The following CDH12 variants were observed in gnomAD, a reference collection of about 807,000 sequenced individuals.
CDH12 encodes the protein cadherin 12.
A neutral mutation model predicts 74.1 loss-of-function variants in CDH12; 41 were observed. The observed-to-expected ratio is 0.55, with a 90% confidence interval of 0.43 to 0.72. The LOEUF is 0.72. Ranked by LOEUF, CDH12 falls within the 30% of genes least tolerant of loss-of-function variation. The pLI, the probability that CDH12 is intolerant of heterozygous loss-of-function variation, is 0.00. For missense variants in CDH12, 945 were observed against 977.2 expected (o/e 0.97, Z 0.44); for synonymous variants, 399 against 355.0 (o/e 1.12, Z -1.39).
intron 6 of CDH12, among the ~76,000 whole-genome samples, chr5:21,910,866 A>G (rs1753831829): frequency 6.6e-6 from 1 of 152,074 alleles, no homozygotes; most frequent in Admixed American, 6.6e-5. Context: ...GCTCTTCCAG[A>G]GGACTCAATA....
chr5:22,072,866 C>T (rs899162491), intron 5 of CDH12, among the ~76,000 whole-genome samples: 1 of 151,908 alleles, frequency 6.6e-6, no homozygotes, highest in Non-Finnish European at 1.5e-5. Flanking sequence ...GATAATAAAC[C>T]ATGATATTTT....
intron 1 of CDH12, among the ~76,000 whole-genome samples, chr5:22,843,614 GT>G (rs1446905647): frequency 7.3e-5 from 2 of 27,216 alleles, no homozygotes; most frequent in Non-Finnish European, 1.7e-4. Flanking sequence ...AACATTTGTG[GT>G]GTGTGTGTGT....
intron 3 of CDH12, among the ~76,000 whole-genome samples, chr5:22,249,996 T>C (rs1753082169): frequency 6.6e-6 from 1 of 151,996 alleles, no homozygotes; most frequent in African/African-American, 2.4e-5. Flanking sequence ...AAATTGAGCC[T>C]TAAACAAAGT....
At chr5:21,995,913 C>G (rs1736260034) in intron 5 of CDH12, among the ~76,000 whole-genome samples, 1 of 151,920 alleles carries the variant, frequency 6.6e-6, no homozygotes, top group African/African-American at 2.4e-5. Context: ...CGTGATCATG[C>G]TATGCTTACA....
intron 1 of CDH12, among the ~76,000 whole-genome samples, chr5:22,625,571 C>T (rs1198187221): frequency 6.6e-6 from 1 of 152,150 alleles, no homozygotes; most frequent in Non-Finnish European, 1.5e-5. Context: ...CCAAGGCTTG[C>T]CAAGCTCCTT....
In CDH12 at chr5:22,587,763, A is replaced by C. The variant is rs559592490; in HGVS notation, c.-522-82399T>G. On this transcript the variant is annotated intron_variant, in intron 1 of 14. Transcript: ENST00000382254. Reference sequence around the variant, plus strand: ...TCTGTTGAGACCCCGAATTATATGGACCTAGAATGGCACATTACTTTTCTA... The same window carrying C: ...TCTGTTGAGACCCCGAATTATATGGCCCTAGAATGGCACATTACTTTTCTA... 3.9e-5 allele frequency among the ~76,000 whole-genome samples: 6 copies of C among 152,066 alleles called. 1 individual carries two copies. The highest frequency in any genetic ancestry group is 1.4e-4 in the African/African-American group (6 of 41,476).
At chr5:22,827,594 G>A (rs1203057521) in intron 1 of CDH12, among the ~76,000 whole-genome samples, 4 of 152,182 alleles carry the variant, frequency 2.6e-5, no homozygotes, top group African/African-American at 9.7e-5. Context: ...AACCTAGGTA[G>A]TCTGCCCACT....
chr5:22,382,518 G>A (rs552562317), intron 3 of CDH12, among the ~76,000 whole-genome samples: 14 of 151,578 alleles, frequency 9.2e-5, no homozygotes, highest in African/African-American at 3.1e-4. Context: ...ATTTCTCAGG[G>A]CCACTGGTTA....
chr5:21,837,139 A>G (rs1037386579), intron 8 of CDH12, among the ~76,000 whole-genome samples: 2 of 152,004 alleles, frequency 1.3e-5, no homozygotes, highest in Non-Finnish European at 2.9e-5. Context: ...CCATAATGAG[A>G]GTTAAATGGG....
intron 1 of CDH12, among the ~76,000 whole-genome samples, chr5:22,684,455 G>T (rs1156502239): frequency 6.6e-6 from 1 of 152,148 alleles, no homozygotes; most frequent in Non-Finnish European, 1.5e-5. Context: ...GAGTTAAAAG[G>T]TGAGGATCTA....
intron 5 of CDH12, among the ~76,000 whole-genome samples, chr5:22,042,924 C>A (rs1739679878): frequency 6.8e-6 from 1 of 146,560 alleles, no homozygotes; most frequent in Non-Finnish European, 1.5e-5. Flanking sequence ...TCATAATAGA[C>A]CTATAATGAA....
chr5:22,397,818 C>T (rs1411151376), intron 3 of CDH12, among the ~76,000 whole-genome samples: 1 of 151,976 alleles, frequency 6.6e-6, no homozygotes, highest in Non-Finnish European at 1.5e-5. Flanking sequence ...ATGGTTGGCC[C>T]TAATCCAATA....
At chr5:22,559,069 C>T (rs1233396568) in intron 1 of CDH12, among the ~76,000 whole-genome samples, 1 of 152,032 alleles carries the variant, frequency 6.6e-6, no homozygotes, top group Non-Finnish European at 1.5e-5. Context: ...TACACACCCA[C>T]TAAAGTCCTG....
chr5:21,863,715 A>G (rs2150010556), intron 6 of CDH12, among the ~76,000 whole-genome samples: 1 of 152,268 alleles, frequency 6.6e-6, no homozygotes, highest in South Asian at 2.1e-4. Context: ...TTCAATTTAG[A>G]GAGTACAACC....
chr5:22,568,662 C>G (rs1739402493), intron 1 of CDH12, among the ~76,000 whole-genome samples: 1 of 152,046 alleles, frequency 6.6e-6, no homozygotes, highest in South Asian at 2.1e-4. Flanking sequence ...ACAAAAGTGA[C>G]TAAATAATAA....
chr5:21,864,000 A>T (rs1249382099), intron 6 of CDH12, among the ~76,000 whole-genome samples: 1 of 152,198 alleles, frequency 6.6e-6, no homozygotes, highest in Non-Finnish European at 1.5e-5. Flanking sequence ...TTATAAATAT[A>T]CTAAAGTTGC....
chr5:21,880,607 CCT>C (rs1561268236), intron 6 of CDH12, among the ~76,000 whole-genome samples: 3 of 70,086 alleles, frequency 4.3e-5, no homozygotes, highest in African/African-American at 1.5e-4. Context: ...TTCCTTCCTT[CCT>C]TCCTTCCTTC....
chr5:22,182,448 C>A (rs1749699378), intron 4 of CDH12, among the ~76,000 whole-genome samples: 1 of 152,148 alleles, frequency 6.6e-6, no homozygotes, highest in South Asian at 2.1e-4. Context: ...GTTTGTTCAG[C>A]ACCTAGTTTG....
chr5:21,880,615 C>CTTT (rs1283919906), intron 6 of CDH12, among the ~76,000 whole-genome samples: 235 of 84,548 alleles, frequency 2.8e-3, no homozygotes, highest in African/African-American at 4.7e-3. Flanking sequence ...TTCCTTCCTT[C>CTTT]CTTCTTTCTT....
Sources: gnomAD v4.1 joint callset for allele counts (sites outside exome capture counted in the v4.1 genomes callset) on GRCh38, gnomAD v4.1.1 for gene constraint, MANE v1.5 for transcripts, NCBI Gene and HGNC (gene_info 2026-07-23, HGNC 2026-07-21) for gene names.